ADGRL2: variants seen among roughly 807,000 people sequenced by gnomAD.
The protein encoded by ADGRL2 is calcium-independent alpha-latrotoxin receptor 2.
ADGRL2 carries 44 observed loss-of-function variants against 157.4 expected under a neutral mutation model. The observed-to-expected ratio is 0.28, with a 90% CI of 0.22 to 0.36. ADGRL2 has a LOEUF of 0.36. Among genes scored for constraint, ADGRL2 ranks in the 10% least tolerant of loss-of-function variants. ADGRL2 has a pLI of 1.00. For synonymous variants in ADGRL2, 585 were observed against 624.7 expected, an observed-to-expected ratio of 0.94 and a Z score of 0.95; for missense variants, 1,510 against 1,768.9, an observed-to-expected ratio of 0.85 and a Z score of 2.63.
Position 81,969,181 on chromosome 1 carries a change from A to G in ADGRL2, c.2527A>G (p.Lys843Glu), listed in dbSNP as rs199597889. The change falls in exon 15 of 24, where the codon AAA becomes GAA. Residue 843 changes from lysine (K) to glutamate (E), a missense_variant. By Grantham distance (56) the Lys-to-Glu change is moderately conservative. Transcript: ENST00000686636. ...CCTCATATCTTTTTATTTTCAGTATAAAGATGGCGTTCATGAATTACTTCT... is the reference window on the plus strand; with the variant it reads ...CCTCATATCTTTTTATTTTCAGTATGAAGATGGCGTTCATGAATTACTTCT... ...ILMAHREIAY[K>E]DGVHELLLTV... The G allele has an allele frequency of 1.2e-5, 19 of 1,610,178 alleles. No individual in the cohort carries two copies. The highest frequency in any genetic ancestry group is 1.5e-5 in the Non-Finnish European group (18 of 1,176,700).
chr1:81,854,962 A>G (rs2093152018), intron 2 of ADGRL2, among the ~76,000 whole-genome samples: 1 of 152,198 alleles, frequency 6.6e-6, no homozygotes, highest in African/African-American at 2.4e-5. Context: ...ATAATCATTG[A>G]AAAATTTCAA....
At chr1:81,703,416 T>G (rs1478437124) in intron 1 of ADGRL2, among the ~76,000 whole-genome samples, 2 of 152,146 alleles carry the variant, frequency 1.3e-5, no homozygotes, top group Non-Finnish European at 1.5e-5. Flanking sequence ...AGAGAGTTTT[T>G]GTTTTCTGTT....
intron 2 of ADGRL2, among the ~76,000 whole-genome samples, chr1:81,540,515 A>G (rs973151761): frequency 1.3e-5 from 2 of 152,240 alleles, no homozygotes; most frequent in Admixed American, 1.3e-4. Flanking sequence ...TAAACAAGAC[A>G]CTAACAGAAG....
chr1:81,707,342 T>C (rs937379695), intron 1 of ADGRL2, among the ~76,000 whole-genome samples: 2 of 152,098 alleles, frequency 1.3e-5, no homozygotes, highest in Non-Finnish European at 2.9e-5. Flanking sequence ...CTCCACCCAC[T>C]GTTCATGGCC....
At chr1:81,497,667 T>G in intron 2 of ADGRL2, among the ~76,000 whole-genome samples, 1 of 152,170 alleles carries the variant, frequency 6.6e-6, no homozygotes, top group East Asian at 1.9e-4. Context: ...TTTCTCTACC[T>G]CAATTTACTC....
intron 3 of ADGRL2, among the ~76,000 whole-genome samples, chr1:81,606,497 G>GCACA (rs59187962): frequency 0.017 from 2,571 of 149,262 alleles, 27 homozygotes; most frequent in South Asian, 0.031. Flanking sequence ...TCATGCACAT[G>GCACA]CACACACACA....
At chr1:81,933,493 C>G (rs1226421013) in intron 3 of ADGRL2, among the ~76,000 whole-genome samples, 12 of 152,136 alleles carry the variant, frequency 7.9e-5, no homozygotes, top group Admixed American at 4.6e-4. Context: ...TCTTTCTTGG[C>G]TTAACTCTAC....
At chr1:81,971,466 A>G (rs1181171110) in intron 16 of ADGRL2, among the ~76,000 whole-genome samples, 5 of 152,152 alleles carry the variant, frequency 3.3e-5, no homozygotes, top group Non-Finnish European at 7.4e-5. Flanking sequence ...TTCAGCTCAG[A>G]CAGATCTGAA....
intron 1 of ADGRL2, among the ~76,000 whole-genome samples, chr1:81,750,796 A>G (rs1015293017): frequency 6.6e-6 from 1 of 152,220 alleles, no homozygotes; most frequent in African/African-American, 2.4e-5. Context: ...AAATGGAGGA[A>G]GCAGTGTTTC....
rs1331901685 is a variant in ADGRL2, at chr1:81,943,759, T to A, written c.1200T>A (p.Asp400Glu). ...LRYSLEFGPP[D>E]PAQVPTTAVT... ...ATTCTCTGGAGTTTGGTCCACCTGA[T>A]CCTGCCCAAGGTAAGCGTGTTTACT... The change falls in exon 6 of 24, where the codon GAT becomes GAA. Residue 400 changes from aspartate to glutamate, a missense_variant. Around this residue, in one of 4 missense-constraint regions of ADGRL2, gnomAD observed 361 missense variants for 498.4 expected, o/e 0.72. Transcript: ENST00000686636. This position sits in a 1 kb window ranked among gnomAD's most constrained non-coding sequence, Gnocchi z 5.6. The A allele has an allele frequency of 6.2e-7, 1 of 1,612,586 alleles. No homozygotes were observed. Among genetic ancestry groups the A allele is most frequent in the Non-Finnish European group, 8.5e-7 (1 of 1,178,846 alleles).
At chr1:81,355,275 C>T (rs1435045167) in intron 1 of ADGRL2, among the ~76,000 whole-genome samples, 3 of 152,044 alleles carry the variant, frequency 2.0e-5, no homozygotes, top group Admixed American at 6.6e-5. Flanking sequence ...ATAAGAATCA[C>T]TTGAACTTAG....
At chr1:81,823,395 C>T (rs889285356) in intron 1 of ADGRL2, among the ~76,000 whole-genome samples, 6 of 135,228 alleles carry the variant, frequency 4.4e-5, no homozygotes, top group African/African-American at 1.6e-4. Context: ...CCTTCCCTCC[C>T]CCTCTTCCTG....
chr1:81,343,092 C>CTTTTTTTTTTTTTTTTTTTTTT (rs544677891), intron 1 of ADGRL2, among the ~76,000 whole-genome samples: 5 of 131,150 alleles, frequency 3.8e-5, no homozygotes, highest in East Asian at 2.2e-4. Context: ...TTTTTCTTTT[C>CTTTTTTTTTTTTTTTTTTTTTT]TTTTTTTTTT....
At chr1:81,733,179 C>T (rs1363381843) in intron 1 of ADGRL2, among the ~76,000 whole-genome samples, 3 of 152,214 alleles carry the variant, frequency 2.0e-5, no homozygotes, top group Non-Finnish European at 2.9e-5. Context: ...ACCAAGGGTT[C>T]ATTACCACAT....
At chr1:81,498,475 T>C (rs2078775431) in intron 2 of ADGRL2, among the ~76,000 whole-genome samples, 1 of 152,234 alleles carries the variant, frequency 6.6e-6, no homozygotes, top group Non-Finnish European at 1.5e-5. Context: ...ATATCTCTTT[T>C]GTGCATTGTC....
At chr1:81,815,895 A>G (rs1352948570) in intron 1 of ADGRL2, among the ~76,000 whole-genome samples, 1 of 151,822 alleles carries the variant, frequency 6.6e-6, no homozygotes, top group Non-Finnish European at 1.5e-5. Flanking sequence ...AACATCCGAT[A>G]ACGAAGCATA....
intron 2 of ADGRL2, among the ~76,000 whole-genome samples, chr1:81,874,414 G>A (rs2093775226): frequency 6.6e-6 from 1 of 152,156 alleles, no homozygotes; most frequent in Admixed American, 6.6e-5. Flanking sequence ...TTATGAAGTT[G>A]ATGGGATTAT....
chr1:81,426,942 A>G, intron 1 of ADGRL2: 1 of 717,166 alleles, frequency 1.4e-6, no homozygotes, highest in Non-Finnish European at 2.5e-6. Context: ...AGACAGAGTG[A>G]AAAAAAGGAA....
intron 1 of ADGRL2, chr1:81,427,623 A>G: frequency 1.5e-6 from 1 of 648,208 alleles, no homozygotes; most frequent in East Asian, 2.7e-5. Context: ...AAACAGCAGA[A>G]AAGGGCTGCA....
Sources: gnomAD v4.1 joint callset for allele counts (sites outside exome capture counted in the v4.1 genomes callset) on GRCh38, gnomAD v4.1.1 for gene constraint, gnomAD v4.1.1 regional missense constraint, Gnocchi (gnomAD v3.1) non-coding constraint, MANE v1.5 for transcripts, NCBI Gene and HGNC (gene_info 2026-07-23, HGNC 2026-07-21) for gene names.